The following HPS4 variants were observed in gnomAD, a reference collection of about 807,000 sequenced individuals.
HPS4 encodes HPS4 biogenesis of lysosomal organelles complex 3 subunit 2.
In HPS4, 44 loss-of-function variants were observed where a neutral mutation model predicts 70.3. The observed-to-expected ratio is 0.63, with a 90% confidence interval of 0.49 to 0.80. The LOEUF is 0.80. Among genes scored for constraint, HPS4 ranks in the 30% least tolerant of loss-of-function variants. The pLI is 0.00. For synonymous variants in HPS4, 377 were observed against 355.9 expected (o/e 1.06, Z -0.67); for missense variants, 873 against 884.4 (o/e 0.99, Z 0.16).
At chr22:26,469,262 C>A (rs1200206151) in intron 7 of HPS4, among the ~76,000 whole-genome samples, 1 of 107,662 alleles carries the variant, frequency 9.3e-6, no homozygotes, top group Non-Finnish European at 1.7e-5. Flanking sequence ...CCATGAGCAA[C>A]ATAGTGAGAT....
At chr22:26,445,845 G>A (rs2084935562) in intron 3 of HPS4, among the ~76,000 whole-genome samples, 1 of 152,202 alleles carries the variant, frequency 6.6e-6, no homozygotes, top group Non-Finnish European at 1.5e-5. Context: ...TAATCACAGA[G>A]GAAGAAACAT....
At chr22:26,466,746 C>CATGCTATACCCAATCTCTCGTT in intron 8 of HPS4, 1 of 188,142 alleles carries the variant, frequency 5.3e-6, no homozygotes, top group Non-Finnish European at 1.1e-5. Context: ...CTCGTTTGTT[C>CATGCTATACCCAATCTCTCGTT]TGGTTCACAA....
chr22:26,468,430 C>T, intron 8 of HPS4, 121 bp downstream of exon 8: 1 of 833,256 alleles, frequency 1.2e-6, no homozygotes, highest in Non-Finnish European at 2.0e-6. Context: ...GACTTGGGGT[C>T]CTGACAAGAC....
intron 4 of HPS4, among the ~76,000 whole-genome samples, chr22:26,473,446 T>C: frequency 6.6e-6 from 1 of 152,168 alleles, no homozygotes; most frequent in Non-Finnish European, 1.5e-5. Context: ...ATCTCCAAAA[T>C]GCTGAGCGTA....
At chr22:26,474,258 G>A (rs1602048874) in intron 4 of HPS4, among the ~76,000 whole-genome samples, 1 of 152,124 alleles carries the variant, frequency 6.6e-6, no homozygotes, top group African/African-American at 2.4e-5. Context: ...GCCGAAAAGA[G>A]TCCAGAAATA....
chr22:26,467,454 G>A (rs1335328667), intron 8 of HPS4: 1 of 152,120 alleles, frequency 6.6e-6, no homozygotes, highest in East Asian at 1.9e-4. Flanking sequence ...AGCTTGTTGT[G>A]ATCAAGTTTT....
intron 8 of HPS4, chr22:26,468,190 ACCGTG>A (rs5844703): frequency 0.089 from 28,598 of 320,790 alleles, 2,274 homozygotes; most frequent in African/African-American, 0.27. Context: ...GGTGTGAACC[ACCGTG>A]CCCAACCCCC....
chr22:26,472,269 A>G (rs749343140), intron 6 of HPS4, 33 bp downstream of exon 6: 2 of 1,248,452 alleles, frequency 1.6e-6, no homozygotes, highest in African/African-American at 1.5e-5. Context: ...CTAGTCTTAC[A>G]TATAAAATGA....
At chr22:26,468,311 G>A (rs750319283) in intron 8 of HPS4, 6 of 564,690 alleles carry the variant, frequency 1.1e-5, no homozygotes, top group South Asian at 6.2e-5. Context: ...ATTCAACCAA[G>A]ATTTCCTTGG....
chr22:26,479,081 G>A (rs1389529877), intron 3 of HPS4, among the ~76,000 whole-genome samples, 184 bp downstream of exon 3: 1 of 152,196 alleles, frequency 6.6e-6, no homozygotes, highest in Non-Finnish European at 1.5e-5. Flanking sequence ...GACGATGAAA[G>A]TGCCGAGCTG....
chr22:26,469,441 G>A (rs1381720362), intron 7 of HPS4, among the ~76,000 whole-genome samples: 1 of 151,654 alleles, frequency 6.6e-6, no homozygotes, highest in Admixed American at 6.6e-5. Flanking sequence ...AAGCAAGACT[G>A]TGTCTCAAAA....
rs766419128 is a variant in HPS4, at chr22:26,464,573, T to C, written c.1057A>G (p.Ser353Gly). 5 of 1,614,216 alleles carry C rather than the reference T, an allele frequency of 3.1e-6. No homozygotes were observed. The East Asian group carries it at 1.1e-4, about 36-fold the overall frequency. ...ACTAGTTCCTTCCCCAGGGAGGAGC[T>C]GAGGCCAAGAACCTCACCCCTGGCA... ...NSARGEVLGL[S>G]SSLGKELVFL... The change falls in exon 11 of 14, where the codon AGC becomes GGC. Residue 353 changes from serine to glycine, a missense_variant. Transcript: ENST00000398145.
chr22:26,457,067 C>T (rs2086261507), intron 13 of HPS4, among the ~76,000 whole-genome samples: 1 of 151,806 alleles, frequency 6.6e-6, no homozygotes, highest in South Asian at 2.1e-4. Context: ...AAATAAAAAC[C>T]AAAAACCAAT....
intron 6 of HPS4, 126 bp downstream of exon 6, chr22:26,472,174 TCA>T (rs2089913521): frequency 1.3e-5 from 10 of 758,842 alleles, no homozygotes; most frequent in Non-Finnish European, 2.2e-5. Context: ...ACCTGCCGTG[TCA>T]TGGCCCTGCC....
chr22:26,459,827 CAG>C (rs1166038292), intron 11 of HPS4, among the ~76,000 whole-genome samples: 5 of 152,158 alleles, frequency 3.3e-5, no homozygotes, highest in Admixed American at 2.0e-4. Context: ...TATCCTGAGG[CAG>C]AGTCTTTTTA....
downstream of HPS4, among the ~76,000 whole-genome samples, chr22:26,448,080 G>A (rs189364207): frequency 1.1e-4 from 16 of 152,354 alleles, no homozygotes; most frequent in East Asian, 3.1e-3. Flanking sequence ...TGGAAGCCGA[G>A]TATCCAGGCT....
At chr22:26,463,712 T>C (rs534081741) in intron 11 of HPS4, among the ~76,000 whole-genome samples, 19 of 152,328 alleles carry the variant, frequency 1.2e-4, no homozygotes, top group African/African-American at 4.6e-4. Context: ...ACCAGTGCTA[T>C]GCGCTTGACT....
downstream of HPS4, chr22:26,443,221 C>A: frequency 6.2e-7 from 1 of 1,610,434 alleles, no homozygotes; most frequent in Non-Finnish European, 8.5e-7. Flanking sequence ...ATTTCCCATG[C>A]TGGAGTCGGC....
At chr22:26,447,370 C>T (rs145360331), downstream of HPS4, among the ~76,000 whole-genome samples, 130 of 152,312 alleles carry the variant, frequency 8.5e-4, no homozygotes, top group African/African-American at 3.0e-3. Context: ...ACCAGCTCTA[C>T]CTCTGGACTT....
Sources: gnomAD v4.1 joint callset for allele counts (sites outside exome capture counted in the v4.1 genomes callset) on GRCh38, gnomAD v4.1.1 for gene constraint, MANE v1.5 for transcripts, NCBI Gene and HGNC (gene_info 2026-07-23, HGNC 2026-07-21) for gene names.